The following CHAC1 variants were observed in gnomAD, a reference collection of about 807,000 sequenced individuals.
CHAC1 encodes glutathione-specific gamma-glutamylcyclotransferase 1.
A neutral mutation model predicts 22.1 loss-of-function variants in CHAC1; 22 were observed. That is an observed-to-expected ratio of 1.00 (90% CI 0.71 to 1.42). The LOEUF (loss-of-function observed/expected upper bound fraction) is 1.42, where lower values mean the gene tolerates loss of function less well. Ranked by LOEUF, CHAC1 falls within the 40% of genes most tolerant of loss-of-function variation. The pLI, the probability that CHAC1 is intolerant of heterozygous loss-of-function variation, is 0.00. For synonymous variants in CHAC1, 145 were observed against 128.7 expected (o/e 1.13, Z -0.86); for missense variants, 272 against 299.2 (o/e 0.91, Z 0.67).
intron 2 of CHAC1, among the ~76,000 whole-genome samples, 161 bp from the exon 3 acceptor site, chr15:40,955,212 A>C (rs1476658078): frequency 2.0e-5 from 3 of 152,224 alleles, no homozygotes; most frequent in Admixed American, 2.0e-4. Context: ...TTCTTAACAA[A>C]GAGAGTACAA....
rs1418061621 is a variant in CHAC1, at chr15:40,955,900, C to G, written c.*126C>G. The G allele has an allele frequency of 1.6e-5, 16 of 977,448 alleles. No homozygotes were observed. The East Asian group carries it at 3.7e-4, about 23-fold the overall frequency. The allele number at this position is 977,448 out of a possible 1,614,324, so 60.5% of individuals were successfully genotyped here. A position where few individuals can be genotyped will look rare whatever the true frequency, so the allele number is the denominator to read the frequency against. ...ATATGGTGGGTGGCTGGAGGCTTCT[C>G]TTTCTCAGTCCCTGCCTGTCTGCCA... On this transcript the variant is annotated 3_prime_UTR_variant, in exon 3 of 3. Transcript: ENST00000617768.
Position 40,955,880 on chromosome 15 carries a change from G to A in CHAC1, c.*106G>A, listed in dbSNP as rs1187429535. The A allele has an allele frequency of 8.1e-7, 1 of 1,239,034 alleles. No homozygotes were observed. The allele number at this position is 1,239,034 out of a possible 1,614,324, so 76.8% of individuals were successfully genotyped here. A position where few individuals can be genotyped will look rare whatever the true frequency, so the allele number is the denominator to read the frequency against. ...CGCTTGAGCCCACTGAGCAGATATG[G>A]TGGGTGGCTGGAGGCTTCTCTTTCT... On this transcript the variant is annotated 3_prime_UTR_variant, in exon 3 of 3. Coordinates refer to ENST00000617768, the MANE Select transcript of CHAC1 (RefSeq NM_024111.6).
At chr15:40,955,240 A>G (rs990168414) in intron 2 of CHAC1, 133 bp from the exon 3 acceptor site, 5 of 877,748 alleles carry the variant, frequency 5.7e-6, no homozygotes, top group East Asian at 2.5e-5. Flanking sequence ...AGGTACTGCC[A>G]CCAGATGGCT....
chr15:40,954,369 C>G, intron 2 of CHAC1, 106 bp downstream of exon 2: 2 of 1,160,106 alleles, frequency 1.7e-6, no homozygotes, highest in Non-Finnish European at 2.6e-6. Context: ...TGATGCTTCT[C>G]TGGCAGAGTA....
At position 40,953,513 on chromosome 15, in the gene CHAC1, G is replaced by T. The variant is rs191156798; in HGVS notation, c.-71G>T. 1.3e-3 allele frequency: 2,018 copies of T among 1,598,372 alleles called. 28 individuals carry two copies. The African/African-American group carries it at 0.025, about 20-fold the overall frequency. On this transcript the variant is annotated 5_prime_UTR_variant, in exon 1 of 3. Coordinates refer to ENST00000617768, the MANE Select transcript of CHAC1 (RefSeq NM_024111.6). ...GGTGCCAGGCCAGGTGTGTGCGTCC[G>T]TCGGTCTTTCCGTGCCCACGCCGGA... is the stretch of plus-strand genomic sequence containing the variant.
Position 40,955,556 on chromosome 15 carries a change from G to A in CHAC1, c.451G>A (p.Gly151Ser). 2 of 1,614,126 alleles carry A rather than the reference G, an allele frequency of 1.2e-6. No homozygotes were observed. Among genetic ancestry groups the A allele is most frequent in the Non-Finnish European group, 1.7e-6 (2 of 1,180,032 alleles). Residue 151 changes from glycine (G) to serine (S), a missense_variant, in exon 3 of 3, where the codon GGT becomes AGT. By Grantham distance (56) the Gly-to-Ser change is moderately conservative. Coordinates refer to ENST00000617768, the MANE Select transcript of CHAC1 (RefSeq NM_024111.6). ...LAYVATPQNP[G>S]YLGPAPEEAI... ...CTATGTGGCCACCCCACAGAACCCT[G>A]GTTACCTGGGCCCTGCGCCTGAAGA...
chr15:40,955,982 C>A lies in CHAC1; in HGVS notation c.*208C>A. ...CTACTTGAAACTTTATTTATTGCAC[C>A]ATGTTGGTGTGGTGGGCAGGTGGAG... On this transcript the variant is annotated 3_prime_UTR_variant, in exon 3 of 3. Coordinates refer to ENST00000617768, the MANE Select transcript of CHAC1 (RefSeq NM_024111.6). 1.7e-6 allele frequency: 1 copy of A among 597,518 alleles called. No individual in the cohort carries two copies. The highest frequency in any genetic ancestry group is 2.9e-5 in the East Asian group (1 of 35,034). The allele number at this position is 597,518 out of a possible 1,614,324, so 37.0% of individuals were successfully genotyped here. A position where few individuals can be genotyped will look rare whatever the true frequency, so the allele number is the denominator to read the frequency against.
chr15:40,953,486 G>C lies in CHAC1; in HGVS notation c.-98G>C. On this transcript the variant is annotated 5_prime_UTR_variant, in exon 1 of 3. Transcript: ENST00000617768. ...GGGGGCGCTCAGCTGGAGCTACCGA[G>C]CGGTGCCAGGCCAGGTGTGTGCGTC... 2 of 1,524,540 alleles carry C rather than the reference G, an allele frequency of 1.3e-6. No homozygotes were observed. The highest frequency in any genetic ancestry group is 2.1e-5 in the Admixed American group (1 of 47,880). 94.4% of individuals were successfully genotyped at this position (1,524,540 alleles called of 1,614,324 possible). A position where few individuals can be genotyped will look rare whatever the true frequency, so the allele number is the denominator to read the frequency against.
Position 40,953,767 on chromosome 15 carries a change from C to A in CHAC1, c.184C>A (p.Arg62Ser). 6.3e-7 allele frequency: 1 copy of A among 1,599,756 alleles called. No homozygotes were observed. Among genetic ancestry groups the A allele is most frequent in the South Asian group, 1.1e-5 (1 of 91,046 alleles). The change falls in exon 1 of 3, where the codon CGC (arginine) becomes AGC (serine). Residue 62 changes from arginine to serine, a missense_variant. Transcript: ENST00000617768. Reference sequence around the variant, plus strand: ...TGTGGGCTTCGTGCGCGGCTACAGCCGCCGTTTCTGGCAGGGAGACACCTT... The same window carrying A: ...TGTGGGCTTCGTGCGCGGCTACAGCAGCCGTTTCTGGCAGGGAGACACCTT... ...SRVGFVRGYS[R>S]RFWQGDTFHR...
At chr15:40,955,294 G>T in intron 2 of CHAC1, 79 bp from the exon 3 acceptor site, 1 of 1,488,856 alleles carries the variant, frequency 6.7e-7, no homozygotes, top group South Asian at 1.2e-5. Flanking sequence ...AGTCCTGGGT[G>T]GGGGTGGCAT....
rs1893163113 is a variant in CHAC1 at position 40,953,766 on chromosome 15, C to A, written c.183C>A (p.Ser61Arg). 1 of 1,599,886 alleles carries A rather than the reference C, an allele frequency of 6.3e-7. No homozygotes were observed. Among genetic ancestry groups the A allele is most frequent in the Non-Finnish European group, 8.5e-7 (1 of 1,179,244 alleles). The part of the protein sequence containing the change: ...DSRVGFVRGY[S>R]RRFWQGDTFH... ...GTGTGGGCTTCGTGCGCGGCTACAG[C>A]CGCCGTTTCTGGCAGGGAGACACCT... is the stretch of plus-strand genomic sequence containing the variant. The change falls in exon 1 of 3, where the codon AGC (serine) becomes AGA (arginine). Residue 61 changes from serine (S) to arginine (R), a missense_variant. By Grantham distance (110) the Ser-to-Arg change is moderately radical. Transcript: ENST00000617768.
chr15:40,955,541 AC>A lies in CHAC1; in HGVS notation c.440del (p.Pro147HisfsTer134). 1.2e-6 allele frequency: 2 copies of A among 1,614,076 alleles called. No individual in the cohort carries two copies. Among genetic ancestry groups the A allele is most frequent in the Non-Finnish European group, 1.7e-6 (2 of 1,180,018 alleles). On this transcript the variant is annotated frameshift_variant, in exon 3 of 3. Coordinates refer to ENST00000617768, the MANE Select transcript of CHAC1 (RefSeq NM_024111.6). LOFTEE classifies it high-confidence loss of function. ...ACTGAAGGCATTGGCCTATGTGGCC[AC>A]CCCACAGAACCCTGGTTACCTGGGC... is the stretch of plus-strand genomic sequence containing the variant. ...QPLKALAYVA[T>X]PQNPGYLGPA...
In CHAC1 at chr15:40,953,522, T is replaced by C; in HGVS notation, c.-62T>C. 1 of 1,603,594 alleles carries C rather than the reference T, an allele frequency of 6.2e-7. No individual in the cohort carries two copies. The highest frequency in any genetic ancestry group is 8.5e-7 in the Non-Finnish European group (1 of 1,177,730). On this transcript the variant is annotated 5_prime_UTR_variant, in exon 1 of 3. Transcript: ENST00000617768. ...CCAGGTGTGTGCGTCCGTCGGTCTT[T>C]CCGTGCCCACGCCGGAGACCAGCCC...
chr15:40,953,953 A>C lies in CHAC1; in HGVS notation c.231+139A>C, dbSNP rs1893169213. ...GTGTCTGGGGTTTGTGGCTCATTTA[A>C]ATGTATGTGCCCAGTGCATCACTGT... On this transcript the variant is annotated intron_variant, in intron 1 of 2. Coordinates refer to ENST00000617768, the MANE Select transcript of CHAC1 (RefSeq NM_024111.6). The C allele has an allele frequency of 4.1e-6, 3 of 730,118 alleles. No individual in the cohort carries two copies. In the Admixed American group the frequency reaches 8.6e-5, roughly 21 times the overall value. 45.2% of individuals were successfully genotyped at this position (730,118 alleles called of 1,614,324 possible). A position where few individuals can be genotyped will look rare whatever the true frequency, so the allele number is the denominator to read the frequency against.
Position 40,955,747 on chromosome 15 carries a change from C to T in CHAC1, c.642C>T (p.Pro214=). ...GCACCATGTTGCCCTGCTTCTGCCC[C>T]ACCGAGCAGGCTCTGGCGCTGGTGT... ...AVGTMLPCFC[P]TEQALALV is the part of the protein sequence containing the mutation. Residue 214 remains proline, a synonymous_variant, in exon 3 of 3, where the codon CCC becomes CCT. Transcript: ENST00000617768. 6.3e-7 allele frequency: 1 copy of T among 1,599,364 alleles called. No individual in the cohort carries two copies. Among genetic ancestry groups the T allele is most frequent in the Non-Finnish European group, 8.5e-7 (1 of 1,178,354 alleles).
chr15:40,953,790 C>A lies in CHAC1; in HGVS notation c.207C>A (p.Thr69=). The A allele has an allele frequency of 6.3e-7, 1 of 1,595,072 alleles. No homozygotes were observed. Among genetic ancestry groups the A allele is most frequent in the South Asian group, 1.1e-5 (1 of 90,934 alleles). ...GYSRRFWQGD[T]FHRGSDKMPG... is the part of the protein sequence containing the mutation. ...GCCGCCGTTTCTGGCAGGGAGACAC[C>A]TTCCATCGGGGCAGCGACAAGATGG... The change falls in exon 1 of 3, where the codon ACC becomes ACA. Residue 69 remains threonine (T), a synonymous_variant. Transcript: ENST00000617768.
Position 40,955,643 on chromosome 15 carries a change from C to G in CHAC1, c.538C>G (p.Leu180Val). The G allele has an allele frequency of 6.2e-7, 1 of 1,613,298 alleles. No homozygotes were observed. The highest frequency in any genetic ancestry group is 1.3e-5 in the African/African-American group (1 of 75,066). ...CTCCGGCCACAACCTTGAATACTTG[C>G]TGCGTCTGGCAGACTTCATGCAGCT... ...GFSGHNLEYL[L>V]RLADFMQLCG... The change falls in exon 3 of 3, where the codon CTG (leucine) becomes GTG (valine). Residue 180 changes from leucine (L) to valine (V), a missense_variant. Leu to Val is a conservative substitution (Grantham distance 32). Transcript: ENST00000617768.
intron 1 of CHAC1, 22 bp from the exon 2 acceptor site, chr15:40,954,206 A>G (rs1470686302): frequency 2.5e-6 from 4 of 1,613,500 alleles, no homozygotes; most frequent in East Asian, 4.5e-5. Context: ...TGTCTATTTC[A>G]AAATATTTCT....
chr15:40,955,260 A>T (rs1893212952), intron 2 of CHAC1, 113 bp from the exon 3 acceptor site: 5 of 1,191,576 alleles, frequency 4.2e-6, no homozygotes, highest in Non-Finnish European at 6.0e-6. Context: ...TCATCAGCCG[A>T]CCACAGCCTC....
Sources: allele counts gnomAD v4.1 joint callset (sites outside exome capture counted in the v4.1 genomes callset), GRCh38; gene constraint gnomAD v4.1.1; transcripts MANE v1.5; gene names NCBI Gene and HGNC (gene_info 2026-07-23, HGNC 2026-07-21).